HTR7: variants seen among roughly 807,000 people sequenced by gnomAD.
HTR7 encodes 5-hydroxytryptamine receptor 7.
HTR7 carries 16 observed loss-of-function variants against 34.0 expected under a neutral mutation model. The observed-to-expected ratio is 0.47, with a 90% CI of 0.32 to 0.71. The LOEUF (loss-of-function observed/expected upper bound fraction) is 0.71. Ranked by LOEUF, HTR7 falls within the 30% of genes least tolerant of loss-of-function variation. HTR7 has a pLI of 0.04. For missense variants in HTR7, 504 were observed against 625.5 expected, an observed-to-expected ratio of 0.81 and a Z score of 2.07; for synonymous variants, 265 against 260.2, an observed-to-expected ratio of 1.02 and a Z score of -0.18.
At position 90,857,507 on chromosome 10, in the gene HTR7, G is replaced by A. The variant is rs1169621198; in HGVS notation, c.165C>T (p.Ser55=). Residue 55 remains serine, a synonymous_variant, in exon 1 of 4, where the codon AGC becomes AGT. Transcript: ENST00000336152. This position sits in a 1 kb window ranked among gnomAD's most constrained non-coding sequence, Gnocchi z 6.5. ...APHLLSEVTA[S]PAPTWDAPPD... is the part of the protein sequence containing the mutation. The stretch of plus-strand genomic sequence containing the variant: ...GGGGCGCGTCCCAGGTGGGCGCCGG[G>A]CTGGCTGTCACCTCGCTCAGCAGGT... 9.3e-6 allele frequency: 15 copies of A among 1,612,144 alleles called. No homozygotes were observed. The highest frequency in any genetic ancestry group is 1.3e-5 in the Non-Finnish European group (15 of 1,179,630).
At chr10:90,763,486 G>A (rs577008792) in intron 1 of HTR7, among the ~76,000 whole-genome samples, 122 of 152,178 alleles carry the variant, frequency 8.0e-4, no homozygotes, top group African/African-American at 2.8e-3. Context: ...TCTGGGATAC[G>A]TGTGCAGAAC....
chr10:90,820,216 A>G (rs1292336992), intron 1 of HTR7, among the ~76,000 whole-genome samples: 3 of 152,190 alleles, frequency 2.0e-5, no homozygotes, highest in Non-Finnish European at 1.5e-5. Context: ...GAAAAGAGAT[A>G]AACTGTTCTG....
At chr10:90,802,840 C>A (rs1279844808) in intron 1 of HTR7, among the ~76,000 whole-genome samples, 3 of 152,078 alleles carry the variant, frequency 2.0e-5, no homozygotes, top group Non-Finnish European at 4.4e-5. Context: ...ACTTATTGAT[C>A]CTTTTCCCTT....
At chr10:90,853,920 G>A (rs778655204) in intron 1 of HTR7, among the ~76,000 whole-genome samples, 7 of 152,172 alleles carry the variant, frequency 4.6e-5, no homozygotes, top group Non-Finnish European at 8.8e-5. Context: ...TAAAGCGCAA[G>A]GAAGAAAAGA....
chr10:90,808,198 G>T (rs956435877), intron 1 of HTR7, among the ~76,000 whole-genome samples: 3 of 150,992 alleles, frequency 2.0e-5, no homozygotes, highest in African/African-American at 4.9e-5. Context: ...CCACTTTTCT[G>T]GGGGGGGCAA....
At chr10:90,841,268 C>T (rs187696211) in intron 1 of HTR7, among the ~76,000 whole-genome samples, 1 of 152,196 alleles carries the variant, frequency 6.6e-6, no homozygotes, top group African/African-American at 2.4e-5. Flanking sequence ...AAATCTAAAG[C>T]CTGAAAAGCT....
intron 2 of HTR7, among the ~76,000 whole-genome samples, chr10:90,745,310 G>A (rs1479042088): frequency 2.0e-5 from 3 of 152,156 alleles, no homozygotes; most frequent in African/African-American, 4.8e-5. Context: ...ACTTCTAGCT[G>A]CTTCCTTACA....
At chr10:90,764,052 T>G (rs1383957058) in intron 1 of HTR7, among the ~76,000 whole-genome samples, 1 of 152,202 alleles carries the variant, frequency 6.6e-6, no homozygotes, top group Non-Finnish European at 1.5e-5. Flanking sequence ...CCACAATGGT[T>G]GAACTAATTT....
intron 1 of HTR7, among the ~76,000 whole-genome samples, chr10:90,807,058 A>T (rs1845716667): frequency 6.6e-6 from 1 of 152,182 alleles, no homozygotes; most frequent in Non-Finnish European, 1.5e-5. Context: ...TTCCTAAAAA[A>T]CCTTTACTAA....
rs1471236919 is a variant in HTR7 at position 90,771,651 on chromosome 10, T to C, written c.540-22057A>G. ...CCAGCACCTGGAGCTGCCTGCCCCA[T>C]GGCAGCAGCCAGCATGTCTGACTGT... On this transcript the variant is annotated intron_variant, in intron 1 of 3. Coordinates refer to ENST00000336152, the MANE Select transcript of HTR7 (RefSeq NM_019859.4). Among the ~76,000 whole-genome samples the C allele has an allele frequency of 2.6e-5, 4 of 152,224 alleles. No individual in the cohort carries two copies. The South Asian group carries it at 6.2e-4, about 24-fold the overall frequency.
At chr10:90,841,933 GA>G (rs1299855453) in intron 1 of HTR7, among the ~76,000 whole-genome samples, 2 of 152,208 alleles carry the variant, frequency 1.3e-5, no homozygotes, top group African/African-American at 2.4e-5. Flanking sequence ...CCAGGAGACA[GA>G]GGTTGCAGTG....
intron 1 of HTR7, among the ~76,000 whole-genome samples, chr10:90,763,693 A>G (rs1286517418): frequency 3.9e-5 from 6 of 152,094 alleles, no homozygotes; most frequent in Non-Finnish European, 1.5e-5. Flanking sequence ...TTCAACTCCT[A>G]CTTATGAGTG....
At position 90,756,557 on chromosome 10, in the gene HTR7, T is replaced by G. The variant is rs908373193; in HGVS notation, c.540-6963A>C. On this transcript the variant is annotated intron_variant, in intron 1 of 3. Transcript: ENST00000336152. ...AAATTCCTTATTCTGCCCTCAGCAT[T>G]GAGGGAGAGAAGTAGATAAAAGAGA... is the stretch of plus-strand genomic sequence containing the variant. Among the ~76,000 whole-genome samples, 3 of 152,022 alleles carry G rather than the reference T, an allele frequency of 2.0e-5. No individual in the cohort carries two copies. The East Asian group carries it at 5.8e-4, about 29-fold the overall frequency.
chr10:90,847,341 C>T (rs573326571), intron 1 of HTR7, among the ~76,000 whole-genome samples: 57 of 150,500 alleles, frequency 3.8e-4, no homozygotes, highest in South Asian at 2.5e-3. Flanking sequence ...TGTTAGTTAA[C>T]ATGAGAGGAA....
At chr10:90,766,246 A>T (rs960991894) in intron 1 of HTR7, among the ~76,000 whole-genome samples, 3 of 152,186 alleles carry the variant, frequency 2.0e-5, no homozygotes, top group Non-Finnish European at 4.4e-5. Context: ...TTCCTGATTA[A>T]TTGACCTCTT....
chr10:90,766,697 C>CT (rs1259866289), intron 1 of HTR7, among the ~76,000 whole-genome samples: 5 of 152,116 alleles, frequency 3.3e-5, no homozygotes, highest in African/African-American at 1.2e-4. Context: ...TGTGTATCTA[C>CT]TACAGGTCTT....
At chr10:90,760,631 G>A (rs182968271) in intron 1 of HTR7, among the ~76,000 whole-genome samples, 128 of 152,204 alleles carry the variant, frequency 8.4e-4, no homozygotes, top group African/African-American at 3.0e-3. Flanking sequence ...TGTAATCCCC[G>A]CAATTTGGGA....
intron 1 of HTR7, among the ~76,000 whole-genome samples, chr10:90,814,565 A>G (rs371103648): frequency 3.2e-4 from 48 of 152,370 alleles, no homozygotes; most frequent in African/African-American, 1.2e-3. Flanking sequence ...AAATTTTTAA[A>G]TGGTTATTCT....
chr10:90,743,885 A>C, intron 2 of HTR7, 195 bp from the exon 3 acceptor site: 1 of 699,132 alleles, frequency 1.4e-6, no homozygotes, highest in Non-Finnish European at 2.7e-6. Flanking sequence ...TCCTCCATCT[A>C]TTCACTTCAT....
Sources: allele counts gnomAD v4.1 joint callset (sites outside exome capture counted in the v4.1 genomes callset), GRCh38; gene constraint gnomAD v4.1.1; non-coding constraint Gnocchi (gnomAD v3.1); transcripts MANE v1.5; gene names NCBI Gene and HGNC (gene_info 2026-07-23, HGNC 2026-07-21).